The following PABPC4L variants were observed in gnomAD, a reference collection of about 807,000 sequenced individuals.
PABPC4L encodes the protein poly(A) binding protein cytoplasmic 4 like.
For missense variants in PABPC4L, 452 were observed against 451.4 expected (o/e 1.00, Z -0.01); for synonymous variants, 169 against 164.1 (o/e 1.03, Z -0.23).
chr4:134,055,501 T>C, the PABPC4L span, among the ~76,000 whole-genome samples: 23 of 152,082 alleles, frequency 1.5e-4, no homozygotes, highest in Admixed American at 1.4e-3. Flanking sequence ...CTTGGACATC[T>C]AGCCTCCAGA....
chr4:134,045,592 G>A, the PABPC4L span, among the ~76,000 whole-genome samples: 1 of 152,174 alleles, frequency 6.6e-6, no homozygotes, highest in Admixed American at 6.5e-5. Context: ...CATAAGGTTA[G>A]TTTGTCTTCT....
At chr4:134,012,945 G>A in the PABPC4L span, among the ~76,000 whole-genome samples, 896 of 152,168 alleles carry the variant, frequency 5.9e-3, 10 homozygotes, top group African/African-American at 0.019. Flanking sequence ...CTCTGGCGCC[G>A]GTCATGGACT....
rs1367085081 is a variant in PABPC4L at position 134,196,848 on chromosome 4, C to T, written c.*3059G>A. 6.6e-6 allele frequency: 1 copy of T among 150,454 alleles called. No individual in the cohort carries two copies. Among genetic ancestry groups the T allele is most frequent in the African/African-American group, 2.4e-5 (1 of 40,954 alleles). The allele number at this position is 150,454 out of a possible 1,614,324, so 9.3% of individuals were successfully genotyped here. On this transcript the variant is annotated 3_prime_UTR_variant, in exon 2 of 2. Transcript: ENST00000421491. The stretch of plus-strand genomic sequence containing the variant: ...TTTTACAGCAAATGCTGGAAATAAG[C>T]AATTTCTACTAAGAAGGCAGATTAT...
the PABPC4L span, among the ~76,000 whole-genome samples, chr4:134,025,503 T>A: frequency 6.6e-6 from 1 of 152,042 alleles, no homozygotes; most frequent in Non-Finnish European, 1.5e-5. Flanking sequence ...TGCCAGTGAA[T>A]AGTTTATCTA....
chr4:134,083,070 C>G, the PABPC4L span, among the ~76,000 whole-genome samples: 1 of 152,092 alleles, frequency 6.6e-6, no homozygotes, highest in African/African-American at 2.4e-5. Context: ...ATTCAATTTC[C>G]AACTCTTTCT....
chr4:134,029,968 G>T, the PABPC4L span, among the ~76,000 whole-genome samples: 6 of 151,846 alleles, frequency 4.0e-5, no homozygotes, highest in Non-Finnish European at 8.8e-5. Context: ...TTTATAAGGA[G>T]ATTTTTCCCC....
At chr4:134,181,943 C>G in the PABPC4L span, among the ~76,000 whole-genome samples, 2 of 150,228 alleles carry the variant, frequency 1.3e-5, no homozygotes, top group Non-Finnish European at 3.0e-5. Context: ...ATGCCCAAAG[C>G]AATTGACATA....
chr4:133,962,192 A>T, the PABPC4L span, among the ~76,000 whole-genome samples: 1 of 152,186 alleles, frequency 6.6e-6, no homozygotes, highest in South Asian at 2.1e-4. Context: ...GGAACCAGAA[A>T]ACCAACTCTG....
At chr4:134,095,007 T>C in the PABPC4L span, among the ~76,000 whole-genome samples, 188 of 151,962 alleles carry the variant, frequency 1.2e-3, no homozygotes, top group African/African-American at 4.4e-3. Context: ...AGAATCATCA[T>C]TATTTAAGAA....
At chr4:134,193,496 G>A (rs1368138695), downstream of PABPC4L, among the ~76,000 whole-genome samples, 1 of 151,850 alleles carries the variant, frequency 6.6e-6, no homozygotes, top group Non-Finnish European at 1.5e-5. Flanking sequence ...TTGAAAAAAG[G>A]TATCAGTTTT....
At chr4:133,956,071 G>A in the PABPC4L span, among the ~76,000 whole-genome samples, 1 of 151,876 alleles carries the variant, frequency 6.6e-6, no homozygotes, top group African/African-American at 2.4e-5. Flanking sequence ...AAAAAAATGA[G>A]GGATTTCAAC....
chr4:134,012,611 A>T, the PABPC4L span, among the ~76,000 whole-genome samples: 1 of 152,146 alleles, frequency 6.6e-6, no homozygotes, highest in Non-Finnish European at 1.5e-5. Context: ...CTTCACATGG[A>T]CATGCATGAA....
chr4:134,109,588 A>G, the PABPC4L span, among the ~76,000 whole-genome samples: 319 of 152,086 alleles, frequency 2.1e-3, 2 homozygotes, highest in African/African-American at 7.5e-3. Flanking sequence ...ACTTTGAAAA[A>G]TTCAAGAAAT....
chr4:134,152,572 C>A, the PABPC4L span, among the ~76,000 whole-genome samples: 1 of 152,086 alleles, frequency 6.6e-6, no homozygotes, highest in South Asian at 2.1e-4. Flanking sequence ...GCATTCTGGG[C>A]ATCTGCACAC....
the PABPC4L span, among the ~76,000 whole-genome samples, chr4:133,986,977 C>A: frequency 6.8e-3 from 1,035 of 152,234 alleles, 9 homozygotes; most frequent in Middle Eastern, 0.02. Context: ...CTCAGGTGAT[C>A]TACCCGACTC....
At chr4:134,160,990 C>T in the PABPC4L span, among the ~76,000 whole-genome samples, 1 of 151,906 alleles carries the variant, frequency 6.6e-6, no homozygotes, top group African/African-American at 2.4e-5. Flanking sequence ...ACCTCTCAGA[C>T]AATTAATTCA....
chr4:134,091,102 G>C, the PABPC4L span, among the ~76,000 whole-genome samples: 2 of 152,088 alleles, frequency 1.3e-5, no homozygotes, highest in Non-Finnish European at 2.9e-5. Context: ...ACATAGAGAA[G>C]ACTGAGGTCA....
the PABPC4L span, among the ~76,000 whole-genome samples, chr4:133,986,028 A>G: frequency 1.3e-5 from 2 of 152,112 alleles, no homozygotes; most frequent in African/African-American, 4.8e-5. Flanking sequence ...TACTCAAGGG[A>G]GAATAAACTC....
chr4:134,116,319 C>T, the PABPC4L span, among the ~76,000 whole-genome samples: 1 of 151,832 alleles, frequency 6.6e-6, no homozygotes, highest in South Asian at 2.1e-4. Context: ...ATGGCAGAAA[C>T]TCTTCAAGAA....
Sources: allele counts gnomAD v4.1 joint callset (sites outside exome capture counted in the v4.1 genomes callset), GRCh38; gene constraint gnomAD v4.1.1; transcripts MANE v1.5; gene names NCBI Gene and HGNC (gene_info 2026-07-23, HGNC 2026-07-21).